The following DDI2 variants were observed in gnomAD, a reference collection of about 807,000 sequenced individuals.
DDI2 encodes DDI proteasomal shuttling factor 2, also known as protein DDI1 homolog 2.
In DDI2, 5 loss-of-function variants were observed where a neutral mutation model predicts 48.1. The observed-to-expected ratio is 0.10, with a 90% confidence interval of 0.05 to 0.22. The LOEUF (loss-of-function observed/expected upper bound fraction) is 0.22, where lower values mean the gene tolerates loss of function less well. Ranked by LOEUF, DDI2 falls within the 10% of genes least tolerant of loss-of-function variation. DDI2 has a pLI of 1.00. For synonymous variants in DDI2, 205 were observed against 183.6 expected, an observed-to-expected ratio of 1.12 and a Z score of -0.94; for missense variants, 285 against 506.2, an observed-to-expected ratio of 0.56 and a Z score of 4.19.
chr1:15,656,922 C>T (rs1640282407), intron 9 of DDI2: 2 of 435,638 alleles, frequency 4.6e-6, no homozygotes, highest in Admixed American at 8.1e-5. Flanking sequence ...CCAGTTAAAA[C>T]AGTGTCTATT....
intron 1 of DDI2, among the ~76,000 whole-genome samples, chr1:15,624,244 C>G (rs1007648324): frequency 6.6e-6 from 1 of 152,136 alleles, no homozygotes; most frequent in African/African-American, 2.4e-5. Context: ...TGACATACCT[C>G]TTTTTTCTTG....
chr1:15,639,533 A>T (rs1639975995), intron 5 of DDI2, among the ~76,000 whole-genome samples: 1 of 152,152 alleles, frequency 6.6e-6, no homozygotes, highest in Admixed American at 6.5e-5. Context: ...TGGTGCAGTC[A>T]GCTCACTTCA....
At chr1:15,656,974 A>G (rs1318696715) in intron 9 of DDI2, 4 of 247,674 alleles carry the variant, frequency 1.6e-5, no homozygotes, top group Non-Finnish European at 3.1e-5. Flanking sequence ...CACATCAAGA[A>G]TATTGGCCTC....
At position 15,617,623 on chromosome 1, in the gene DDI2, C is replaced by A. The variant is rs761723037; in HGVS notation, c.-48C>A. On this transcript the variant is annotated 5_prime_UTR_variant, in exon 1 of 10. Transcript: ENST00000480945. ...CGCCGCCGCCTCTTCCCCTGCGCCC[C>A]GCGCCCAGGCCGGGCCGAGCCGAGC... 9 of 1,299,330 alleles carry A rather than the reference C, an allele frequency of 6.9e-6. No homozygotes were observed. Among genetic ancestry groups the A allele is most frequent in the Non-Finnish European group, 8.8e-6 (9 of 1,017,012 alleles). 80.5% of individuals were successfully genotyped at this position (1,299,330 alleles called of 1,614,324 possible). A position where few individuals can be genotyped will look rare whatever the true frequency, so the allele number is the denominator to read the frequency against.
At position 15,660,613 on chromosome 1, in the gene DDI2, A is replaced by C. The variant is rs1161797660; in HGVS notation, c.*823A>C. 6.2e-7 allele frequency: 1 copy of C among 1,614,124 alleles called. No individual in the cohort carries two copies. Among genetic ancestry groups the C allele is most frequent in the Admixed American group, 1.7e-5 (1 of 60,006 alleles). ...TGGCTGCTCAAATTCAGAAACATTT[A>C]TGGAAATCGATACAGCTCAACAGTC... On this transcript the variant is annotated 3_prime_UTR_variant, in exon 10 of 10. Coordinates refer to ENST00000480945, the MANE Select transcript of DDI2 (RefSeq NM_032341.5).
intron 1 of DDI2, among the ~76,000 whole-genome samples, chr1:15,620,421 T>G (rs1639639685): frequency 6.6e-6 from 1 of 152,212 alleles, no homozygotes; most frequent in Non-Finnish European, 1.5e-5. Context: ...TTTACTTACT[T>G]GAGTGTCCCC....
At chr1:15,618,832 A>G (rs1274327741) in intron 1 of DDI2, among the ~76,000 whole-genome samples, 1 of 152,246 alleles carries the variant, frequency 6.6e-6, no homozygotes, top group African/African-American at 2.4e-5. Flanking sequence ...CCAAGTCTCC[A>G]TCAAGTAAAT....
At chr1:15,650,410 A>G (rs1030169320) in intron 7 of DDI2, among the ~76,000 whole-genome samples, 1 of 152,102 alleles carries the variant, frequency 6.6e-6, no homozygotes, top group African/African-American at 2.4e-5. Context: ...ATGGCTGTAG[A>G]CCTCACTGGG....
intron 5 of DDI2, among the ~76,000 whole-genome samples, chr1:15,639,286 C>T (rs1004090990): frequency 2.6e-5 from 4 of 152,046 alleles, no homozygotes; most frequent in African/African-American, 9.7e-5. Flanking sequence ...TGAGTGGTCT[C>T]ATACATCTTA....
intron 3 of DDI2, among the ~76,000 whole-genome samples, chr1:15,632,397 G>A (rs1005676961): frequency 2.6e-5 from 4 of 152,048 alleles, no homozygotes; most frequent in Non-Finnish European, 5.9e-5. Flanking sequence ...GCTGGACGTG[G>A]TGGCAGGTAC....
chr1:15,624,040 G>A (rs1221915997), intron 1 of DDI2, among the ~76,000 whole-genome samples: 1 of 152,150 alleles, frequency 6.6e-6, no homozygotes, highest in Non-Finnish European at 1.5e-5. Context: ...GGGCGAGAGC[G>A]AGACTCCGTC....
intron 6 of DDI2, among the ~76,000 whole-genome samples, chr1:15,645,705 C>CA (rs1557620109): frequency 6.6e-6 from 1 of 151,944 alleles, no homozygotes; most frequent in Non-Finnish European, 1.5e-5. Context: ...TTCGTCTCTA[C>CA]AAAAAATTTT....
chr1:15,638,590 A>G (rs1014342342), intron 5 of DDI2, among the ~76,000 whole-genome samples, 156 bp downstream of exon 5: 3 of 137,396 alleles, frequency 2.2e-5, no homozygotes, highest in Non-Finnish European at 4.5e-5. Context: ...GCCAAAGTGC[A>G]GTGGCGTGAT....
chr1:15,655,478 G>A (rs937999308), intron 8 of DDI2, among the ~76,000 whole-genome samples: 5 of 151,142 alleles, frequency 3.3e-5, no homozygotes, highest in African/African-American at 9.7e-5. Context: ...ACGGCTGGGC[G>A]CAGTGACTCA....
In DDI2 at chr1:15,660,212, A is replaced by G; in HGVS notation, c.*422A>G. ...GCAGGTAATCTGGAGAAATCTGCTG[A>G]AAGAAGCACCCAGGGCCTCAAATTT... is the stretch of plus-strand genomic sequence containing the variant. On this transcript the variant is annotated 3_prime_UTR_variant, in exon 10 of 10. Transcript: ENST00000480945. 1 of 1,614,222 alleles carries G rather than the reference A, an allele frequency of 6.2e-7. No individual in the cohort carries two copies. Among genetic ancestry groups the G allele is most frequent in the Non-Finnish European group, 8.5e-7 (1 of 1,180,032 alleles).
At chr1:15,633,191 A>C (rs1639874838) in intron 3 of DDI2, among the ~76,000 whole-genome samples, 1 of 152,064 alleles carries the variant, frequency 6.6e-6, no homozygotes, top group South Asian at 2.1e-4. Context: ...AGCCTCCCAA[A>C]GTGTCGAGAT....
chr1:15,644,005 G>A (rs777439676), intron 6 of DDI2, among the ~76,000 whole-genome samples: 2 of 152,086 alleles, frequency 1.3e-5, no homozygotes. Context: ...TTTGAGAGCT[G>A]AGCTATCTAA....
intron 6 of DDI2, among the ~76,000 whole-genome samples, chr1:15,649,269 C>A (rs1305492933): frequency 6.6e-6 from 1 of 152,010 alleles, no homozygotes; most frequent in Non-Finnish European, 1.5e-5. Context: ...AAGGTTTAGG[C>A]AGAGAATCAG....
chr1:15,630,062 A>G (rs1177702090), intron 2 of DDI2, among the ~76,000 whole-genome samples: 1 of 152,048 alleles, frequency 6.6e-6, no homozygotes, highest in Non-Finnish European at 1.5e-5. Flanking sequence ...TAAATTAAAA[A>G]CCTGATGTCT....
Sources: gnomAD v4.1 joint callset for allele counts (sites outside exome capture counted in the v4.1 genomes callset) on GRCh38, gnomAD v4.1.1 for gene constraint, MANE v1.5 for transcripts, NCBI Gene and HGNC (gene_info 2026-07-23, HGNC 2026-07-21) for gene names.